The following EDARADD variants were observed in gnomAD, a reference collection of about 807,000 sequenced individuals.
EDARADD encodes ectodysplasin-A receptor-associated adapter protein.
EDARADD carries 20 observed loss-of-function variants against 25.6 expected under a neutral mutation model. The observed-to-expected ratio is 0.78, with a 90% CI of 0.55 to 1.14. EDARADD has a LOEUF of 1.14. Among genes scored for constraint, EDARADD ranks in the 50% most tolerant of loss-of-function variants. EDARADD has a pLI of 0.00. For missense variants in EDARADD, 225 were observed against 270.1 expected, an observed-to-expected ratio of 0.83 and a Z score of 1.17; for synonymous variants, 86 against 94.4, an observed-to-expected ratio of 0.91 and a Z score of 0.52.
intron 4 of EDARADD, among the ~76,000 whole-genome samples, chr1:236,464,422 A>AC (rs1659127724): frequency 2.2e-5 from 2 of 92,284 alleles, no homozygotes; most frequent in African/African-American, 4.0e-5. Context: ...CCTTGCTGCA[A>AC]CTTTTTTTTT....
chr1:236,483,738 C>T lies in EDARADD; in HGVS notation c.*1089C>T. 6.6e-7 allele frequency: 1 copy of T among 1,515,108 alleles called. No homozygotes were observed. The highest frequency in any genetic ancestry group is 1.1e-5 in the South Asian group (1 of 89,058). The allele number at this position is 1,515,108 out of a possible 1,614,324, so 93.9% of individuals were successfully genotyped here. ...CATTGGAGCGGAGGTTTACCACAGC[C>T]TGAAGAATGTCATCAAGGAGAAATA... On this transcript the variant is annotated 3_prime_UTR_variant, in exon 6 of 6. Transcript: ENST00000334232.
At chr1:236,482,220 T>C (rs747968826) in intron 5 of EDARADD, 47 bp from the exon 6 acceptor site, 1 of 1,611,240 alleles carries the variant, frequency 6.2e-7, no homozygotes, top group Admixed American at 1.7e-5. Context: ...TGAATGCATA[T>C]GTTAGGCCTC....
chr1:236,388,727 G>A (rs1667386090), intron 3 of EDARADD, among the ~76,000 whole-genome samples: 1 of 152,178 alleles, frequency 6.6e-6, no homozygotes, highest in African/African-American at 2.4e-5. Context: ...TCCCCACCAA[G>A]CTATATTCAC....
rs555072625 is a variant in EDARADD, at chr1:236,472,893, C to T, written c.265+4617C>T. Among the ~76,000 whole-genome samples the T allele has an allele frequency of 2.4e-4, 36 of 152,236 alleles. No homozygotes were observed. The South Asian group carries it at 5.2e-3, about 22-fold the overall frequency. On this transcript the variant is annotated intron_variant, in intron 5 of 5. Transcript: ENST00000334232. ...TCATGCCGTTAATCTCCATGGTACA[C>T]GGTGTCCTCTCCATAGCAATCTTGC...
At chr1:236,481,728 G>A (rs1275108620) in intron 5 of EDARADD, among the ~76,000 whole-genome samples, 1 of 148,354 alleles carries the variant, frequency 6.7e-6, no homozygotes, top group African/African-American at 2.5e-5. Context: ...GCAGTGAGCC[G>A]AGATCATGCC....
chr1:236,472,182 A>C (rs1659376918), intron 5 of EDARADD, among the ~76,000 whole-genome samples: 1 of 152,166 alleles, frequency 6.6e-6, no homozygotes, highest in Admixed American at 6.6e-5. Flanking sequence ...GAGAGTGTGG[A>C]GAAGCCCTGT....
intron 4 of EDARADD, 151 bp from the exon 5 acceptor site, chr1:236,468,080 C>T: frequency 1.3e-6 from 1 of 744,368 alleles, no homozygotes; most frequent in Non-Finnish European, 2.4e-6. Flanking sequence ...GCTGAGTTCA[C>T]CTCCCATTAA....
chr1:236,383,784 A>T (rs1667325779), intron 3 of EDARADD, among the ~76,000 whole-genome samples: 1 of 152,060 alleles, frequency 6.6e-6, no homozygotes, highest in African/African-American at 2.4e-5. Context: ...TGGGAGGGTC[A>T]TTTGGGGTCA....
At chr1:236,360,449 C>T (rs1029369445) in intron 3 of EDARADD, among the ~76,000 whole-genome samples, 6 of 151,752 alleles carry the variant, frequency 4.0e-5, no homozygotes, top group African/African-American at 1.5e-4. Flanking sequence ...TAAATTATTA[C>T]TGTGTGGTTA....
chr1:236,406,276 G>T (rs1044133312), intron 1 of EDARADD, among the ~76,000 whole-genome samples: 2 of 152,146 alleles, frequency 1.3e-5, no homozygotes, highest in Admixed American at 1.3e-4. Context: ...GAACCAGCGT[G>T]TGAGAAGGAT....
At chr1:236,364,747 G>A (rs1667092419) in intron 3 of EDARADD, among the ~76,000 whole-genome samples, 1 of 152,120 alleles carries the variant, frequency 6.6e-6, no homozygotes, top group Non-Finnish European at 1.5e-5. Context: ...TTTGTGCTCT[G>A]CAAACTTGCT....
intron 4 of EDARADD, among the ~76,000 whole-genome samples, chr1:236,438,523 A>G (rs1307001500): frequency 1.3e-5 from 2 of 152,194 alleles, no homozygotes; most frequent in Admixed American, 1.3e-4. Flanking sequence ...GGCAGTGGGA[A>G]AAGCAAGTAG....
chr1:236,394,309 C>A lies in EDARADD; in HGVS notation c.-136C>A. On this transcript the variant is annotated 5_prime_UTR_variant, in exon 1 of 6. Transcript: ENST00000334232. ...GCAGACCAAGAGGAAGTTTATCCTC[C>A]CACCTACAAATTCCCCAGAGAGCTT... 1 of 934,088 alleles carries A rather than the reference C, an allele frequency of 1.1e-6. No homozygotes were observed. Among genetic ancestry groups the A allele is most frequent in the Non-Finnish European group, 1.7e-6 (1 of 584,386 alleles). 57.9% of individuals were successfully genotyped at this position (934,088 alleles called of 1,614,324 possible). A position where few individuals can be genotyped will look rare whatever the true frequency, so the allele number is the denominator to read the frequency against.
chr1:236,370,145 G>A (rs565764185), intron 3 of EDARADD, among the ~76,000 whole-genome samples: 1 of 152,296 alleles, frequency 6.6e-6, no homozygotes, highest in South Asian at 2.1e-4. Context: ...AATTGGCCAG[G>A]CACGGTGGCT....
At chr1:236,450,553 CT>C (rs1221157409) in intron 4 of EDARADD, among the ~76,000 whole-genome samples, 4 of 140,408 alleles carry the variant, frequency 2.8e-5, no homozygotes, top group South Asian at 2.5e-4. Flanking sequence ...CCAACCCCCC[CT>C]TTTTTTTTCT....
intron 2 of EDARADD, among the ~76,000 whole-genome samples, chr1:236,349,409 G>A (rs659922): frequency 0.35 from 52,796 of 151,876 alleles, 9,476 homozygotes; most frequent in African/African-American, 0.44. Context: ...GCCATGTTGC[G>A]TGACATGTGC....
intron 3 of EDARADD, among the ~76,000 whole-genome samples, chr1:236,376,515 T>G (rs1667227755): frequency 6.6e-6 from 1 of 151,980 alleles, no homozygotes; most frequent in African/African-American, 2.4e-5. Context: ...TTACATGATT[T>G]CTGAAGAGAA....
rs1308986851 is a variant in EDARADD at position 236,482,609 on chromosome 1, G to A, written c.608G>A (p.Trp203Ter). 6.2e-7 allele frequency: 1 copy of A among 1,612,300 alleles called. No homozygotes were observed. The highest frequency in any genetic ancestry group is 8.5e-7 in the Non-Finnish European group (1 of 1,180,034). The change falls in exon 6 of 6, where the codon TGG (tryptophan) becomes TAG (stop). Residue 203 changes from tryptophan (W) to a stop codon, truncating the protein, a stop_gained. Transcript: ENST00000334232. LOFTEE classifies it high-confidence loss of function. ...KVLRRWVDEE[W>*]PKRERGDPSR... ...CTGCGCAGGTGGGTGGACGAGGAGT[G>A]GCCCAAGCGGGAGCGTGGAGACCCC... is the stretch of plus-strand genomic sequence containing the variant.
intron 1 of EDARADD, among the ~76,000 whole-genome samples, chr1:236,397,624 G>A (rs566444405): frequency 6.6e-6 from 1 of 152,254 alleles, no homozygotes; most frequent in Admixed American, 6.5e-5. Context: ...TTGACTTCAA[G>A]AGGTAGAACC....
Sources: allele counts gnomAD v4.1 joint callset (sites outside exome capture counted in the v4.1 genomes callset), GRCh38; gene constraint gnomAD v4.1.1; transcripts MANE v1.5; gene names NCBI Gene and HGNC (gene_info 2026-07-23, HGNC 2026-07-21).